STK38: variants seen among roughly 807,000 people sequenced by gnomAD.
The protein encoded by STK38 is serine/threonine kinase 38, also known as serine/threonine-protein kinase 38.
Under a neutral mutation model 59.0 loss-of-function variants are expected in STK38, and 26 were observed. The ratio of observed to expected loss-of-function variants is 0.44; its 90% confidence interval spans 0.32 to 0.61. The LOEUF is 0.61. Ranked by LOEUF, STK38 falls within the 20% of genes least tolerant of loss-of-function variation. STK38 has a pLI of 0.04. For missense variants in STK38, 433 were observed against 566.0 expected (o/e 0.76, Z 2.38); for synonymous variants, 175 against 176.6 (o/e 0.99, Z 0.07).
At chr6:36,521,627 G>C in intron 5 of STK38, 107 bp downstream of exon 5, 1 of 726,750 alleles carries the variant, frequency 1.4e-6, no homozygotes, top group South Asian at 2.6e-5. Flanking sequence ...ATACATGACA[G>C]AGCTAAAGAA....
At chr6:36,507,165 A>AAGGACAAATCTAGCCC (rs201247061) in intron 8 of STK38, among the ~76,000 whole-genome samples, 1 of 152,168 alleles carries the variant, frequency 6.6e-6, no homozygotes, top group South Asian at 2.1e-4. Flanking sequence ...TTCTGTCATG[A>AAGGACAAATCTAGCCC]AGGACAAATC....
rs777770396 is a variant in STK38, at chr6:36,527,191, C to CAA, written c.132-1551_132-1550dup. On this transcript the variant is annotated intron_variant, in intron 2 of 13. Coordinates refer to ENST00000229812, the MANE Select transcript of STK38 (RefSeq NM_007271.4). ...TGGGTGACAGAGCAAGACTCCGTCT[C>CAA]AAAAAAAAAAAAAAAAATATATGTA... is the stretch of plus-strand genomic sequence containing the variant. Among the ~76,000 whole-genome samples, 152 of 45,990 alleles carry CAA rather than the reference C, an allele frequency of 3.3e-3. 2 individuals are homozygous for CAA. Among genetic ancestry groups the CAA allele is most frequent in the South Asian group, 4.4e-3 (7 of 1,608 alleles). 30.2% of individuals were successfully genotyped at this position (45,990 alleles called of 152,430 possible). A position where few individuals can be genotyped will look rare whatever the true frequency, so the allele number is the denominator to read the frequency against.
At chr6:36,524,881 A>C (rs1173183122) in intron 3 of STK38, among the ~76,000 whole-genome samples, 1 of 152,118 alleles carries the variant, frequency 6.6e-6, no homozygotes, top group Non-Finnish European at 1.5e-5. Flanking sequence ...GGTATTTTTC[A>C]CCACCGTCCT....
chr6:36,498,223 T>G, intron 11 of STK38, 140 bp downstream of exon 11: 1 of 1,225,662 alleles, frequency 8.2e-7, no homozygotes, highest in East Asian at 2.4e-5. Context: ...TAAGCCACCA[T>G]GCACAGCCTT....
chr6:36,498,582 C>CTTTTTTTTTTTTTTTTTTTTTT (rs1219622406), intron 10 of STK38, 96 bp from the exon 11 acceptor site: 1 of 1,033,044 alleles, frequency 9.7e-7, no homozygotes. Context: ...CTTTTTTTTT[C>CTTTTTTTTTTTTTTTTTTTTTT]TTTTTTCTTT....
At position 36,506,577 on chromosome 6, in the gene STK38, A is replaced by T; in HGVS notation, c.834+6T>A. On this transcript the variant is annotated splice_donor_region_variant and intron_variant, in intron 9 of 13. Transcript: ENST00000229812. ...TAGCATTTCAGAAGCCACAGATATT[A>T]CTTACTAGCTGACGTCTATTTCTTT... is the stretch of plus-strand genomic sequence containing the variant. The T allele has an allele frequency of 1.2e-6, 2 of 1,612,408 alleles. No homozygotes were observed. The highest frequency in any genetic ancestry group is 1.7e-6 in the Non-Finnish European group (2 of 1,179,572).
chr6:36,535,781 CAGG>C (rs1263822633), intron 2 of STK38, among the ~76,000 whole-genome samples: 1 of 148,130 alleles, frequency 6.8e-6, no homozygotes, highest in Non-Finnish European at 1.5e-5. Flanking sequence ...GAGGCTGAGA[CAGG>C]AGAATAGCTT....
Position 36,497,820 on chromosome 6 carries a change from T to G in STK38, c.1132A>C (p.Ser378Arg). ...TCAACGCCTTCAAAAAAAGAGTTAC[T>G]TTTTATTTCCTCAACTCCAGGAGCT... ...IGAPGVEEIK[S>R]NSFFEGVDWE... Residue 378 changes from serine (S) to arginine (R), a missense_variant, in exon 12 of 14, where the codon AGT becomes CGT. By Grantham distance (110) the Ser-to-Arg change is moderately radical. Coordinates refer to ENST00000229812, the MANE Select transcript of STK38 (RefSeq NM_007271.4). 6.2e-7 allele frequency: 1 copy of G among 1,613,852 alleles called. No homozygotes were observed. Among genetic ancestry groups the G allele is most frequent in the East Asian group, 2.2e-5 (1 of 44,886 alleles).
chr6:36,509,401 A>C (rs1349229948), intron 7 of STK38, among the ~76,000 whole-genome samples: 1 of 152,170 alleles, frequency 6.6e-6, no homozygotes, highest in Non-Finnish European at 1.5e-5. Flanking sequence ...TGTAGAAAGA[A>C]GCAAACCTTC....
Position 36,517,701 on chromosome 6 carries a change from A to G in STK38, c.514+16T>C. On this transcript the variant is annotated intron_variant, in intron 6 of 13. Transcript: ENST00000229812. ...GAACAAAAAGAAAAAATGACCTTTCATCGTCAAGTAATTACCTCCAGGCAG... is the reference window on the plus strand; with the variant it reads ...GAACAAAAAGAAAAAATGACCTTTCGTCGTCAAGTAATTACCTCCAGGCAG... 6.2e-7 allele frequency: 1 copy of G among 1,610,178 alleles called. No individual in the cohort carries two copies. The highest frequency in any genetic ancestry group is 8.5e-7 in the Non-Finnish European group (1 of 1,177,952).
chr6:36,535,808 A>G (rs1777774236), intron 2 of STK38, among the ~76,000 whole-genome samples: 2 of 149,918 alleles, frequency 1.3e-5, no homozygotes, highest in South Asian at 4.4e-4. Flanking sequence ...CCCAGGAGGC[A>G]GAGGTTGCAG....
chr6:36,541,063 T>C (rs771883559), intron 1 of STK38, among the ~76,000 whole-genome samples: 3 of 151,788 alleles, frequency 2.0e-5, no homozygotes, highest in African/African-American at 7.3e-5. Flanking sequence ...TACACCGGGC[T>C]AATTTTTTGT....
rs141109155 is a variant in STK38 at position 36,529,884 on chromosome 6, C to T, written c.132-4242G>A. Among the ~76,000 whole-genome samples, 945 of 152,206 alleles carry T rather than the reference C, an allele frequency of 6.2e-3. 12 individuals are homozygous for T. Among genetic ancestry groups the T allele is most frequent in the African/African-American group, 0.022 (907 of 41,526 alleles). ...CAGGGATGAGAGAATAGGGCTATTC[C>T]ACCCTAATTGAAAACAGACAGTATT... is the stretch of plus-strand genomic sequence containing the variant. On this transcript the variant is annotated intron_variant, in intron 2 of 13. Coordinates refer to ENST00000229812, the MANE Select transcript of STK38 (RefSeq NM_007271.4).
intron 8 of STK38, 123 bp from the exon 9 acceptor site, chr6:36,506,767 A>G: frequency 1.3e-6 from 1 of 775,948 alleles, no homozygotes; most frequent in Non-Finnish European, 2.0e-6. Context: ...TCATACATCA[A>G]AAGCTCCAGA....
intron 1 of STK38, among the ~76,000 whole-genome samples, chr6:36,544,765 A>G (rs1418088229): frequency 6.6e-6 from 1 of 152,058 alleles, no homozygotes; most frequent in Admixed American, 6.6e-5. Flanking sequence ...CCAGCTACTC[A>G]GGAGGCTGAG....
chr6:36,527,295 CAT>C (rs1490838665), intron 2 of STK38, among the ~76,000 whole-genome samples: 2 of 142,066 alleles, frequency 1.4e-5, no homozygotes, highest in Non-Finnish European at 3.0e-5. Context: ...TACATATACA[CAT>C]ATGTATATAC....
chr6:36,497,620 A>C (rs996847179), intron 12 of STK38, among the ~76,000 whole-genome samples, 160 bp downstream of exon 12: 1 of 152,238 alleles, frequency 6.6e-6, no homozygotes, highest in African/African-American at 2.4e-5. Flanking sequence ...CAAAAAATCT[A>C]ATGCCCAATC....
At chr6:36,502,135 T>G (rs1776855457) in intron 9 of STK38, among the ~76,000 whole-genome samples, 1 of 152,076 alleles carries the variant, frequency 6.6e-6, no homozygotes, top group African/African-American at 2.4e-5. Flanking sequence ...GAATATGAAA[T>G]GGGATCTCTT....
chr6:36,513,916 G>A (rs1468294382), intron 7 of STK38, among the ~76,000 whole-genome samples: 2 of 149,566 alleles, frequency 1.3e-5, no homozygotes, highest in African/African-American at 4.9e-5. Context: ...AGCACTTTGG[G>A]AGGCCAAGGC....
Sources: gnomAD v4.1 joint callset for allele counts (sites outside exome capture counted in the v4.1 genomes callset) on GRCh38, gnomAD v4.1.1 for gene constraint, MANE v1.5 for transcripts, NCBI Gene and HGNC (gene_info 2026-07-23, HGNC 2026-07-21) for gene names.